Variants in GALNT13 observed in about 807,000 individuals in gnomAD.
GALNT13 encodes UDP-GalNAc:polypeptide N-acetylgalactosaminyltransferase 13.
A neutral mutation model predicts 64.2 loss-of-function variants in GALNT13; 28 were observed. The observed-to-expected ratio is 0.44, with a 90% confidence interval of 0.32 to 0.60. The LOEUF (loss-of-function observed/expected upper bound fraction) is 0.60. Ranked by LOEUF, GALNT13 falls within the 20% of genes least tolerant of loss-of-function variation. The pLI, the probability that GALNT13 is intolerant of heterozygous loss-of-function variation, is 0.05. For missense variants in GALNT13, 577 were observed against 669.8 expected, an observed-to-expected ratio of 0.86 and a Z score of 1.53; for synonymous variants, 214 against 224.6, an observed-to-expected ratio of 0.95 and a Z score of 0.42.
the GALNT13 span, among the ~76,000 whole-genome samples, chr2:153,534,514 C>G: frequency 8.6e-6 from 1 of 116,488 alleles, no homozygotes; most frequent in Non-Finnish European, 1.6e-5. Context: ...TTAGGCCCCT[C>G]TTTCTTTCTT....
At chr2:153,465,863 G>T in the GALNT13 span, among the ~76,000 whole-genome samples, 13 of 151,978 alleles carry the variant, frequency 8.6e-5, no homozygotes, top group Non-Finnish European at 1.6e-4. Flanking sequence ...GTAAGAAAAA[G>T]TCACATGTGA....
intron 4 of GALNT13, among the ~76,000 whole-genome samples, chr2:154,186,695 T>G (rs1169351310): frequency 6.6e-6 from 1 of 152,244 alleles, no homozygotes; most frequent in Non-Finnish European, 1.5e-5. Flanking sequence ...GTTATTGAGC[T>G]AAAGTAAAAT....
the GALNT13 span, among the ~76,000 whole-genome samples, chr2:153,236,919 C>A: frequency 6.6e-6 from 1 of 152,046 alleles, no homozygotes; most frequent in East Asian, 1.9e-4. Context: ...AAGGATTAAC[C>A]ATTCTAGGTG....
the GALNT13 span, among the ~76,000 whole-genome samples, chr2:153,528,977 A>G: frequency 0.081 from 12,360 of 152,012 alleles, 616 homozygotes; most frequent in Middle Eastern, 0.16. Context: ...AAATTAGAAA[A>G]ACTTCAAATA....
chr2:154,364,582 G>A (rs917919488), intron 9 of GALNT13, among the ~76,000 whole-genome samples: 9 of 152,172 alleles, frequency 5.9e-5, no homozygotes, highest in African/African-American at 2.2e-4. Context: ...CAGTATTTTA[G>A]AATTAAACTT....
chr2:153,663,550 T>C, the GALNT13 span, among the ~76,000 whole-genome samples: 1 of 152,218 alleles, frequency 6.6e-6, no homozygotes, highest in East Asian at 1.9e-4. Context: ...AAGTCAGTGA[T>C]TGACGTTTTG....
At chr2:153,895,332 G>T (rs1420728048) in intron 1 of GALNT13, among the ~76,000 whole-genome samples, 1 of 152,006 alleles carries the variant, frequency 6.6e-6, no homozygotes, top group East Asian at 1.9e-4. Flanking sequence ...TATGTTCTGA[G>T]TTTCAAGATT....
At chr2:153,962,977 T>C (rs751310675) in intron 3 of GALNT13, among the ~76,000 whole-genome samples, 5 of 152,194 alleles carry the variant, frequency 3.3e-5, no homozygotes, top group Non-Finnish European at 5.9e-5. Context: ...TGGTATGGTT[T>C]CTTTGTTTCA....
chr2:154,442,568 T>G (rs1245018780), intron 12 of GALNT13, among the ~76,000 whole-genome samples: 1 of 152,066 alleles, frequency 6.6e-6, no homozygotes, highest in Non-Finnish European at 1.5e-5. Flanking sequence ...TTGCCAGGAT[T>G]AAATGAAGAG....
the GALNT13 span, among the ~76,000 whole-genome samples, chr2:153,274,176 C>T: frequency 1.3e-5 from 2 of 152,048 alleles, no homozygotes; most frequent in Non-Finnish European, 2.9e-5. Flanking sequence ...GCACTCCAGC[C>T]TGGGCGACAA....
At chr2:153,858,306 G>A in the GALNT13 span, among the ~76,000 whole-genome samples, 5 of 152,280 alleles carry the variant, frequency 3.3e-5, no homozygotes, top group African/African-American at 1.2e-4. Flanking sequence ...GTAAGAAAGG[G>A]TCAGAGATAG....
At chr2:153,651,545 A>T in the GALNT13 span, among the ~76,000 whole-genome samples, 1 of 152,170 alleles carries the variant, frequency 6.6e-6, no homozygotes, top group Admixed American at 6.6e-5. Flanking sequence ...CAATTAAATA[A>T]TTTTTATCAT....
the GALNT13 span, among the ~76,000 whole-genome samples, chr2:153,727,255 G>T: frequency 6.6e-6 from 1 of 152,270 alleles, no homozygotes; most frequent in East Asian, 1.9e-4. Context: ...ATTGTTTAGT[G>T]TGGTTTCTGG....
At chr2:154,353,360 A>AC (rs1156686391) in intron 9 of GALNT13, among the ~76,000 whole-genome samples, 1 of 152,194 alleles carries the variant, frequency 6.6e-6, no homozygotes, top group Non-Finnish European at 1.5e-5. Flanking sequence ...TATAGATAGT[A>AC]AAATGGTTAT....
At chr2:154,344,173 A>G (rs1695930889) in intron 9 of GALNT13, among the ~76,000 whole-genome samples, 1 of 152,040 alleles carries the variant, frequency 6.6e-6, no homozygotes, top group Admixed American at 6.6e-5. Context: ...TGCTTTTAAA[A>G]CACAAAAGAC....
At chr2:153,280,077 T>G in the GALNT13 span, among the ~76,000 whole-genome samples, 1,287 of 152,304 alleles carry the variant, frequency 8.5e-3, 11 homozygotes, top group Non-Finnish European at 0.01. Context: ...TTTGAATTTA[T>G]TCCTGATTCA....
intron 10 of GALNT13, among the ~76,000 whole-genome samples, chr2:154,407,192 G>A (rs954480759): frequency 6.6e-6 from 1 of 152,096 alleles, no homozygotes; most frequent in Non-Finnish European, 1.5e-5. Flanking sequence ...CATGTACCTA[G>A]CAGAGATTCT....
At chr2:153,527,021 A>C in the GALNT13 span, among the ~76,000 whole-genome samples, 1 of 152,274 alleles carries the variant, frequency 6.6e-6, no homozygotes, top group African/African-American at 2.4e-5. Context: ...ATTAAAAAAA[A>C]ATAAAGCATG....
chr2:153,234,004 T>C, the GALNT13 span, among the ~76,000 whole-genome samples: 1 of 152,162 alleles, frequency 6.6e-6, no homozygotes, highest in Non-Finnish European at 1.5e-5. Flanking sequence ...AAAAGAAGCT[T>C]ATAACTAATT....
Sources: gnomAD v4.1 joint callset for allele counts (sites outside exome capture counted in the v4.1 genomes callset) on GRCh38, gnomAD v4.1.1 for gene constraint, MANE v1.5 for transcripts, NCBI Gene and HGNC (gene_info 2026-07-23, HGNC 2026-07-21) for gene names.